The following HTT variants were observed in gnomAD, a reference collection of about 807,000 sequenced individuals.
HTT encodes huntingtin.
Under a neutral mutation model 362.3 loss-of-function variants are expected in HTT, and 104 were observed. The observed-to-expected ratio is 0.29, with a 90% confidence interval of 0.24 to 0.34. The LOEUF is 0.34. Ranked by LOEUF, HTT falls within the 10% of genes least tolerant of loss-of-function variation. HTT has a pLI of 1.00. For synonymous variants in HTT, 1,577 were observed against 1,548.7 expected (o/e 1.02, Z -0.43); for missense variants, 3,301 against 3,928.6 (o/e 0.84, Z 4.27).
At chr4:3,109,334 C>G (rs1043589563) in intron 6 of HTT, among the ~76,000 whole-genome samples, 1 of 128,938 alleles carries the variant, frequency 7.8e-6, no homozygotes, top group Non-Finnish European at 1.6e-5. Flanking sequence ...TCAAGCGATT[C>G]TCCTGCCTCA....
intron 63 of HTT, 139 bp downstream of exon 63, chr4:3,235,917 T>C (rs362312): frequency 0.39 from 293,247 of 754,286 alleles, 59,910 homozygotes; most frequent in Non-Finnish European, 0.41. Flanking sequence ...CCCATCACCT[T>C]GCAAGAAAGG....
chr4:3,208,706 T>C, intron 45 of HTT, 67 bp from the exon 46 acceptor site: 1 of 1,438,694 alleles, frequency 7.0e-7, no homozygotes, highest in East Asian at 2.5e-5. Flanking sequence ...GTGTGCAGAG[T>C]TTAGACTAAG....
At chr4:3,186,837 G>A in intron 38 of HTT, 118 bp downstream of exon 38, 1 of 380,582 alleles carries the variant, frequency 2.6e-6, no homozygotes, top group Non-Finnish European at 4.1e-6. Flanking sequence ...TTGAGAGTTT[G>A]CTTTTTTTTT....
intron 9 of HTT, 34 bp downstream of exon 9, chr4:3,121,466 A>T: frequency 6.9e-7 from 1 of 1,448,656 alleles, no homozygotes; most frequent in African/African-American, 1.4e-5. Context: ...CTTACAATTA[A>T]CTTTGCAGTA....
chr4:3,107,693 G>A (rs1053265706), intron 6 of HTT, among the ~76,000 whole-genome samples: 1 of 152,088 alleles, frequency 6.6e-6, no homozygotes, highest in East Asian at 1.9e-4. Flanking sequence ...ATTTGTTTTC[G>A]GCGTACTAGA....
Position 3,088,418 on chromosome 4 carries a change from CTCAA to C in HTT, c.347+1397_347+1400del, listed in dbSNP as rs1396860231. Among the ~76,000 whole-genome samples, 16 of 151,308 alleles carry C rather than the reference CTCAA, an allele frequency of 1.1e-4. No homozygotes were observed. In the East Asian group the frequency reaches 1.2e-3, roughly 11 times the overall value. On this transcript the variant is annotated intron_variant, in intron 2 of 66. Coordinates refer to ENST00000355072, the MANE Select transcript of HTT (RefSeq NM_001388492.1). ...CTTGATCTCCTGACCTCATGACCCG[CTCAA>C]CTCAGCCTCCCAAAGTGCTGGGATT... is the stretch of plus-strand genomic sequence containing the variant.
chr4:3,211,880 C>A, intron 47 of HTT, 49 bp from the exon 48 acceptor site: 1 of 1,340,378 alleles, frequency 7.5e-7, no homozygotes, highest in Non-Finnish European at 1.1e-6. Context: ...TGATTGAAAG[C>A]TCATAATCTG....
intron 49 of HTT, chr4:3,212,976 G>C (rs1312343720): frequency 2.4e-6 from 1 of 409,408 alleles, no homozygotes; most frequent in Non-Finnish European, 4.4e-6. Flanking sequence ...TAATTTTAGA[G>C]ACATGAAAAA....
intron 2 of HTT, among the ~76,000 whole-genome samples, chr4:3,098,099 G>A (rs1252554071): frequency 6.6e-6 from 1 of 152,246 alleles, no homozygotes; most frequent in African/African-American, 2.4e-5. Context: ...AAATATAAAA[G>A]TGTAGCTCAC....
chr4:3,178,368 A>C lies in HTT; in HGVS notation c.4534A>C (p.Lys1512Gln), dbSNP rs768923708. The part of the protein sequence containing the change: ...VLLSYERYHS[K>Q]QIIGIPKIIQ... The stretch of plus-strand genomic sequence containing the variant: ...ACTATCTTATGAACGCTATCATTCA[A>C]AACAGATCATTGGAATTCCTAAAAT... Residue 1512 changes from lysine to glutamine, a missense_variant, in exon 35 of 67, where the codon AAA becomes CAA. Lys to Gln is a moderately conservative substitution (Grantham distance 53). Coordinates refer to ENST00000355072, the MANE Select transcript of HTT (RefSeq NM_001388492.1). 11 of 1,612,636 alleles carry C rather than the reference A, an allele frequency of 6.8e-6. 1 individual carries two copies. The Admixed American group carries it at 1.5e-4, about 22-fold the overall frequency.
intron 55 of HTT, 118 bp downstream of exon 55, chr4:3,223,678 A>G (rs1396331316): frequency 3.1e-6 from 3 of 961,292 alleles, no homozygotes; most frequent in African/African-American, 1.6e-5. Flanking sequence ...AGAATTGAAA[A>G]CACCGTCCGT....
At chr4:3,196,264 A>G (rs934968842) in intron 40 of HTT, among the ~76,000 whole-genome samples, 1 of 151,972 alleles carries the variant, frequency 6.6e-6, no homozygotes, top group African/African-American at 2.4e-5. Flanking sequence ...TCCTCCCTCC[A>G]CCTGGAAGGG....
intron 29 of HTT, among the ~76,000 whole-genome samples, chr4:3,165,089 C>T (rs549200413): frequency 1.3e-5 from 2 of 152,198 alleles, no homozygotes; most frequent in Admixed American, 1.3e-4. Flanking sequence ...TTAGTGCTTC[C>T]TTCAGGAGCT....
intron 13 of HTT, 123 bp from the exon 14 acceptor site, chr4:3,130,182 T>C (rs1715735702): frequency 3.7e-6 from 4 of 1,078,754 alleles, no homozygotes; most frequent in South Asian, 1.6e-5. Flanking sequence ...AAATGACCAA[T>C]TGAGGAATAA....
chr4:3,133,828 T>C (rs892793494), intron 18 of HTT, among the ~76,000 whole-genome samples: 4 of 152,228 alleles, frequency 2.6e-5, no homozygotes, highest in African/African-American at 9.6e-5. Context: ...TTCCAGGTTT[T>C]CAGTCAGTTG....
At position 3,243,045 on chromosome 4, in the gene HTT, C is replaced by T. The variant is rs1276402957; in HGVS notation, c.*2986C>T. 3.3e-5 allele frequency: 5 copies of T among 152,576 alleles called. No homozygotes were observed. Among genetic ancestry groups the T allele is most frequent in the South Asian group, 4.1e-4 (2 of 4,830 alleles). The allele number at this position is 152,576 out of a possible 1,614,324, so 9.5% of individuals were successfully genotyped here. On this transcript the variant is annotated 3_prime_UTR_variant, in exon 67 of 67. Coordinates refer to ENST00000355072, the MANE Select transcript of HTT (RefSeq NM_001388492.1). ...GCCCTGTGCCCTAAAGGACACCCCTCGCCCCCATCTTCATGGAGGGGGTCA... is the reference window on the plus strand; with the variant it reads ...GCCCTGTGCCCTAAAGGACACCCCTTGCCCCCATCTTCATGGAGGGGGTCA...
At chr4:3,229,821 G>A (rs1192790033) in intron 59 of HTT, 66 bp from the exon 60 acceptor site, 1 of 1,540,238 alleles carries the variant, frequency 6.5e-7, no homozygotes, top group African/African-American at 1.4e-5. Context: ...GTAGCGTTCT[G>A]GATGCGTTGC....
chr4:3,085,088 G>C (rs1348837549), intron 1 of HTT, among the ~76,000 whole-genome samples: 1 of 151,942 alleles, frequency 6.6e-6, no homozygotes, highest in Non-Finnish European at 1.5e-5. Flanking sequence ...ACGCTTGTGT[G>C]CCCGTGCAGA....
chr4:3,082,777 G>A (rs561304162), intron 1 of HTT, among the ~76,000 whole-genome samples: 36 of 152,100 alleles, frequency 2.4e-4, no homozygotes, highest in Admixed American at 1.1e-3. Context: ...TTGCTTATCT[G>A]CTGTAGGGCC....
Sources: gnomAD v4.1 joint callset for allele counts (sites outside exome capture counted in the v4.1 genomes callset) on GRCh38, gnomAD v4.1.1 for gene constraint, MANE v1.5 for transcripts, NCBI Gene and HGNC (gene_info 2026-07-23, HGNC 2026-07-21) for gene names.